Variants in IL1RAPL2 observed in about 807,000 individuals in gnomAD.
IL1RAPL2 encodes X-linked interleukin-1 receptor accessory protein-like 2.
IL1RAPL2 carries 3 observed loss-of-function variants against 44.1 expected under a neutral mutation model. That is an observed-to-expected ratio of 0.07 (90% CI 0.03 to 0.18). The LOEUF is 0.18. Among genes scored for constraint, IL1RAPL2 ranks in the 10% least tolerant of loss-of-function variants. IL1RAPL2 has a pLI of 1.00. For missense variants in IL1RAPL2, 391 were observed against 496.4 expected (o/e 0.79, Z 2.02); for synonymous variants, 181 against 178.8 (o/e 1.01, Z -0.10).
intron 2 of IL1RAPL2, among the ~76,000 whole-genome samples, chrX:104,959,218 C>T (rs1368936393): frequency 1.8e-5 from 2 of 111,404 alleles, no homozygotes; most frequent in African/African-American, 6.5e-5. Context: ...AAGGGTAGTA[C>T]ATCAGACTAG....
intron 5 of IL1RAPL2, among the ~76,000 whole-genome samples, chrX:105,360,252 A>T (rs1423821191): frequency 9.0e-6 from 1 of 111,562 alleles, no homozygotes; most frequent in Non-Finnish European, 1.9e-5. Flanking sequence ...GAACTCAAAA[A>T]AATGGGCTTA....
chrX:105,612,997 T>C (rs190873542), intron 6 of IL1RAPL2, among the ~76,000 whole-genome samples: 3 of 111,501 alleles, frequency 2.7e-5, no homozygotes, highest in Non-Finnish European at 5.7e-5. Flanking sequence ...AGGAGAGCTA[T>C]TGAGATACCA....
intron 2 of IL1RAPL2, among the ~76,000 whole-genome samples, chrX:105,089,015 A>T (rs1211693334): frequency 9.0e-6 from 1 of 111,415 alleles, no homozygotes; most frequent in East Asian, 2.8e-4. Context: ...AAACCTTCAC[A>T]TCTCTTCTAA....
intron 2 of IL1RAPL2, among the ~76,000 whole-genome samples, chrX:104,704,615 A>G (rs894640092): frequency 1.5e-4 from 17 of 111,535 alleles, no homozygotes; most frequent in Non-Finnish European, 3.0e-4. Flanking sequence ...CGTAGTCTCT[A>G]TGAAAAATTC....
At chrX:105,565,143 T>C (rs1245332698) in intron 6 of IL1RAPL2, among the ~76,000 whole-genome samples, 1 of 111,971 alleles carries the variant, frequency 8.9e-6, no homozygotes, top group Non-Finnish European at 1.9e-5. Context: ...CTTTGAGAAC[T>C]AGGTGTTTGG....
intron 7 of IL1RAPL2, among the ~76,000 whole-genome samples, chrX:105,738,605 AG>A (rs1235981868): frequency 2.7e-5 from 3 of 111,717 alleles, no homozygotes; most frequent in Non-Finnish European, 5.6e-5. Flanking sequence ...GCTAAACTGC[AG>A]GGTTGTCACC....
At chrX:105,579,045 AT>A (rs1475563559) in intron 6 of IL1RAPL2, among the ~76,000 whole-genome samples, 1 of 111,670 alleles carries the variant, frequency 9.0e-6, no homozygotes, top group Non-Finnish European at 1.9e-5. Flanking sequence ...TTTGGCTTGC[AT>A]GTCTTGTGCA....
At chrX:105,022,878 G>A (rs1276618076) in intron 2 of IL1RAPL2, among the ~76,000 whole-genome samples, 1 of 111,132 alleles carries the variant, frequency 9.0e-6, no homozygotes, top group Non-Finnish European at 1.9e-5. Context: ...ATGCCTTCAG[G>A]TGGATTTCTA....
chrX:105,094,795 A>G (rs2032585767), intron 2 of IL1RAPL2, among the ~76,000 whole-genome samples: 1 of 111,776 alleles, frequency 8.9e-6, no homozygotes, highest in African/African-American at 3.2e-5. Context: ...TCTTGACAAC[A>G]TTAAGTCTTC....
At position 105,139,641 on chromosome X, in the gene IL1RAPL2, T is replaced by C. The variant is rs185260939; in HGVS notation, c.83-55834T>C. 4.8e-4 allele frequency among the ~76,000 whole-genome samples: 54 copies of C among 111,811 alleles called. No individual in the cohort carries two copies. In the East Asian group the frequency reaches 9.5e-3, roughly 20 times the overall value. ...GGCTTCTCCTTGTGTCCTCACATGT[T>C]GGAAAGAGAGCTAGCGCTCATGTCT... is the stretch of plus-strand genomic sequence containing the variant. On this transcript the variant is annotated intron_variant, in intron 2 of 10. Transcript: ENST00000372582.
chrX:105,699,700 C>A (rs1365158816), intron 6 of IL1RAPL2, among the ~76,000 whole-genome samples: 1 of 111,446 alleles, frequency 9.0e-6, no homozygotes, highest in Non-Finnish European at 1.9e-5. Flanking sequence ...TCTCAAGAGT[C>A]CTAGTACAAA....
intron 2 of IL1RAPL2, among the ~76,000 whole-genome samples, chrX:105,082,729 C>G (rs2032429298): frequency 1.8e-5 from 2 of 111,935 alleles, no homozygotes; most frequent in Non-Finnish European, 1.9e-5. Context: ...AGAAGGAAAA[C>G]TAACAAACAG....
intron 2 of IL1RAPL2, among the ~76,000 whole-genome samples, chrX:105,033,749 T>C (rs2031562251): frequency 9.0e-6 from 1 of 111,417 alleles, no homozygotes; most frequent in Admixed American, 9.6e-5. Flanking sequence ...TCTCTGTATT[T>C]CCTGAATCTG....
At chrX:105,037,501 A>C (rs191342771) in intron 2 of IL1RAPL2, among the ~76,000 whole-genome samples, 229 of 110,841 alleles carry the variant, frequency 2.1e-3, no homozygotes, top group African/African-American at 7.2e-3. Flanking sequence ...TTCATTAAGC[A>C]CCTTCTATGT....
intron 1 of IL1RAPL2, among the ~76,000 whole-genome samples, chrX:104,654,856 C>G (rs1167150523): frequency 9.0e-6 from 1 of 110,943 alleles, no homozygotes; most frequent in African/African-American, 3.3e-5. Context: ...ATTCGTTGAG[C>G]AGTGGTTTGT....
intron 7 of IL1RAPL2, among the ~76,000 whole-genome samples, chrX:105,719,286 C>T (rs1445629258): frequency 1.8e-5 from 2 of 110,077 alleles, no homozygotes; most frequent in Non-Finnish European, 3.8e-5. Flanking sequence ...AAGCCAGAAA[C>T]AAAAAAAACA....
At chrX:105,082,263 A>G (rs1480254867) in intron 2 of IL1RAPL2, among the ~76,000 whole-genome samples, 5 of 111,876 alleles carry the variant, frequency 4.5e-5, no homozygotes. Flanking sequence ...TTATTTGCAT[A>G]GAGGTGTTCA....
At chrX:104,613,773 A>T (rs1929213324) in intron 1 of IL1RAPL2, among the ~76,000 whole-genome samples, 1 of 106,743 alleles carries the variant, frequency 9.4e-6, no homozygotes, top group Non-Finnish European at 1.9e-5. Flanking sequence ...TGCCTGGCAG[A>T]ATTTGGATGT....
intron 7 of IL1RAPL2, among the ~76,000 whole-genome samples, chrX:105,717,984 A>C (rs2038271317): frequency 8.9e-6 from 1 of 112,443 alleles, no homozygotes; most frequent in African/African-American, 3.2e-5. Flanking sequence ...CTGATCCTTC[A>C]ATTTAGTACA....
Sources: allele counts gnomAD v4.1 joint callset (sites outside exome capture counted in the v4.1 genomes callset), GRCh38; gene constraint gnomAD v4.1.1; transcripts MANE v1.5; gene names NCBI Gene and HGNC (gene_info 2026-07-23, HGNC 2026-07-21).